Variants in DIABLO observed in about 807,000 individuals in gnomAD.
DIABLO encodes diablo IAP-binding mitochondrial protein.
In DIABLO, 32 loss-of-function variants were observed where a neutral mutation model predicts 31.7. The observed-to-expected ratio is 1.01, with a 90% confidence interval of 0.76 to 1.35. The LOEUF is 1.35. Among genes scored for constraint, DIABLO ranks in the 40% most tolerant of loss-of-function variants. The pLI, the probability that DIABLO is intolerant of heterozygous loss-of-function variation, is 0.00. For synonymous variants in DIABLO, 132 were observed against 103.2 expected (o/e 1.28, Z -1.69); for missense variants, 316 against 286.4 (o/e 1.10, Z -0.75).
At chr12:122,224,436 T>C in intron 2 of DIABLO, 76 bp downstream of exon 2, 2 of 1,611,328 alleles carry the variant, frequency 1.2e-6, no homozygotes, top group Non-Finnish European at 8.5e-7. Flanking sequence ...TGGTAGCTTG[T>C]CTAATGCTTC....
intron 1 of DIABLO, chr12:122,225,365 C>T: frequency 2.0e-6 from 2 of 980,698 alleles, no homozygotes; most frequent in African/African-American, 1.8e-5. Context: ...CCAGCCTGGG[C>T]GACAGAGGCA....
At chr12:122,226,604 G>A (rs571308981), upstream of DIABLO, 310 of 682,840 alleles carry the variant, frequency 4.5e-4, 5 homozygotes, top group Middle Eastern at 0.013. Flanking sequence ...GCGGCCTGCC[G>A]GGCTGGCGCC....
chr12:122,218,154 G>C, intron 3 of DIABLO, 112 bp downstream of exon 3: 1 of 1,290,018 alleles, frequency 7.8e-7, no homozygotes, highest in Non-Finnish European at 1.1e-6. Context: ...TAAACAAATA[G>C]GCCTGGCTAT....
intron 2 of DIABLO, among the ~76,000 whole-genome samples, chr12:122,218,932 CT>C (rs1365570833): frequency 5.6e-5 from 6 of 106,790 alleles, no homozygotes; most frequent in African/African-American, 2.0e-4. Flanking sequence ...CAGAGCAAGA[CT>C]AAAAAAAAAA....
intron 3 of DIABLO, among the ~76,000 whole-genome samples, chr12:122,217,980 A>T (rs1593176182): frequency 2.0e-5 from 1 of 49,894 alleles, no homozygotes; most frequent in East Asian, 1.5e-3. Context: ...ATTTTTCTGT[A>T]AAAAAAAAAA....
intron 3 of DIABLO, 190 bp from the exon 4 acceptor site, chr12:122,217,059 C>T (rs1954230526): frequency 1.8e-6 from 1 of 557,756 alleles, no homozygotes; most frequent in Admixed American, 3.0e-5. Context: ...CATCTGTAAA[C>T]TTCTGTGTTT....
At chr12:122,210,447 A>AC (rs1191229363) in intron 5 of DIABLO, among the ~76,000 whole-genome samples, 2 of 139,108 alleles carry the variant, frequency 1.4e-5, no homozygotes, top group African/African-American at 5.5e-5. Context: ...ATCTCGGCTC[A>AC]CTGTAAGCTC....
intron 1 of DIABLO, 70 bp from the exon 2 acceptor site, chr12:122,224,714 G>A (rs1954411514): frequency 6.2e-7 from 1 of 1,613,082 alleles, no homozygotes; most frequent in African/African-American, 1.3e-5. Context: ...TTTACTTGCA[G>A]GGGCTGTAAA....
Position 122,218,312 on chromosome 12 carries a change from G to C in DIABLO, c.269C>G (p.Ser90Cys), listed in dbSNP as rs116496131. ...TTCAATCAACGCATATGTGGTCTGA[G>C]AGAGAAAGGTAGAGGTGCTATCTGT... Reference protein sequence around the residue: ...LVTDSTSTFLSQTTYALIEAI... With the variant: ...LVTDSTSTFLCQTTYALIEAI... The change falls in exon 3 of 6, where the codon TCT becomes TGT. Residue 90 changes from serine (S) to cysteine (C), a missense_variant. Physicochemically the swap from Ser to Cys is moderately radical, Grantham distance 112 (BLOSUM62 -1). Coordinates refer to ENST00000464942, the MANE Select transcript of DIABLO (RefSeq NM_001371333.1). 87 of 1,614,144 alleles carry C rather than the reference G, an allele frequency of 5.4e-5. No homozygotes were observed. The African/African-American group carries it at 1.1e-3, about 21-fold the overall frequency.
intron 2 of DIABLO, chr12:122,220,681 A>AAAACAAAAACT (rs1005378194): frequency 4.0e-5 from 6 of 151,892 alleles, no homozygotes; most frequent in African/African-American, 1.2e-4. Context: ...AAACAAAAAC[A>AAAACAAAAACT]AAAACAAAAA....
intron 5 of DIABLO, chr12:122,208,833 C>A: frequency 1.7e-6 from 1 of 591,168 alleles, no homozygotes; most frequent in Non-Finnish European, 3.2e-6. Context: ...GCAACTCTCA[C>A]AATCATCTTT....
Position 122,207,920 on chromosome 12 carries a change from A to C in DIABLO, c.*461T>G. 1 of 461,196 alleles carries C rather than the reference A, an allele frequency of 2.2e-6. No individual in the cohort carries two copies. 28.6% of individuals were successfully genotyped at this position (461,196 alleles called of 1,614,324 possible). ...AGATCAGAGAACACATCAGAAATAC[A>C]TACAAAGAAATCGTACAAACTGGAC... On this transcript the variant is annotated 3_prime_UTR_variant, in exon 6 of 6. Transcript: ENST00000464942.
At position 122,213,187 on chromosome 12, in the gene DIABLO, TACA is replaced by T. The variant is rs1954125800; in HGVS notation, c.523+3298_523+3300del. 4.0e-5 allele frequency among the ~76,000 whole-genome samples: 6 copies of T among 151,118 alleles called. No homozygotes were observed. The Middle Eastern group carries it at 0.01, about 257-fold the overall frequency. ...CTTAGGCATCCCGAAGTGCTGGGATTACAACAGGTATGAGCCACTGCACCTGGA... is the reference window on the plus strand; with the variant it reads ...CTTAGGCATCCCGAAGTGCTGGGATTACAGGTATGAGCCACTGCACCTGGA... On this transcript the variant is annotated intron_variant, in intron 5 of 5. Transcript: ENST00000464942.
chr12:122,226,127 C>A (rs1415877954), upstream of DIABLO: 1 of 1,461,126 alleles, frequency 6.8e-7, no homozygotes, highest in Non-Finnish European at 9.3e-7. Context: ...ACGCCCCCAC[C>A]CAAGGAAGCA....
intron 3 of DIABLO, 42 bp from the exon 4 acceptor site, chr12:122,216,911 A>G (rs774916521): frequency 1.3e-6 from 2 of 1,512,374 alleles, no homozygotes; most frequent in African/African-American, 2.8e-5. Flanking sequence ...AGTAAGTGAG[A>G]CATATCAGAA....
intron 2 of DIABLO, chr12:122,220,556 G>A (rs1954310890): frequency 6.6e-6 from 1 of 152,244 alleles, no homozygotes; most frequent in Non-Finnish European, 1.5e-5. Flanking sequence ...TCGGGAGGCT[G>A]AGGCAGGAGA....
intron 1 of DIABLO, chr12:122,225,658 G>C: frequency 7.4e-7 from 1 of 1,345,714 alleles, no homozygotes; most frequent in South Asian, 1.6e-5. Flanking sequence ...TCCTCTCCAC[G>C]TCTCCTCAGG....
chr12:122,227,074 G>T (rs1160597378), upstream of DIABLO, among the ~76,000 whole-genome samples: 3 of 152,226 alleles, frequency 2.0e-5, no homozygotes, highest in African/African-American at 7.2e-5. Context: ...AGAGCTGGAG[G>T]ATCTTTGCTT....
intron 5 of DIABLO, 99 bp from the exon 6 acceptor site, chr12:122,208,676 C>T (rs765169855): frequency 6.5e-6 from 8 of 1,231,328 alleles, no homozygotes; most frequent in Admixed American, 5.9e-5. Flanking sequence ...ATCTGAACCC[C>T]TCTTGGGGTC....
Sources: gnomAD v4.1 joint callset for allele counts (sites outside exome capture counted in the v4.1 genomes callset) on GRCh38, gnomAD v4.1.1 for gene constraint, MANE v1.5 for transcripts, NCBI Gene and HGNC (gene_info 2026-07-23, HGNC 2026-07-21) for gene names.